PXYLP1: variants seen among roughly 807,000 people sequenced by gnomAD.
PXYLP1 encodes the protein acid phosphatase-like 2.
PXYLP1 carries 17 observed loss-of-function variants against 37.9 expected under a neutral mutation model. The observed-to-expected ratio is 0.45, with a 90% CI of 0.31 to 0.67. PXYLP1 has a LOEUF of 0.67. PXYLP1 is among the 30% of genes least tolerant of loss of function. PXYLP1 has a pLI of 0.07. For missense variants in PXYLP1, 511 were observed against 612.0 expected (o/e 0.84, Z 1.74); for synonymous variants, 221 against 232.2 (o/e 0.95, Z 0.44).
At chr3:141,278,282 C>A (rs1559893137) in intron 2 of PXYLP1, 60 bp from the exon 3 acceptor site, 1 of 1,597,666 alleles carries the variant, frequency 6.3e-7, no homozygotes, top group East Asian at 2.2e-5. Flanking sequence ...TGCGCTGGGC[C>A]TTGCAGCTGG....
At chr3:141,242,744 AAAT>A (rs1940840332) in intron 1 of PXYLP1, among the ~76,000 whole-genome samples, 1 of 152,214 alleles carries the variant, frequency 6.6e-6, no homozygotes, top group African/African-American at 2.4e-5. Context: ...CAGGGAATGC[AAAT>A]AATAATGAGA....
rs1553751230 is a variant in PXYLP1 at position 141,248,031 on chromosome 3, T to TG, written c.-53-12092_-53-12091insG. ...TTAAGAGTTTTTGTTTTGTTTTTTT[T>TG]TTTTTTTTTGAGATGGAGTCCCACT... On this transcript the variant is annotated intron_variant, in intron 1 of 5. Coordinates refer to ENST00000286353, the MANE Select transcript of PXYLP1 (RefSeq NM_001037172.3). 2.3e-3 allele frequency among the ~76,000 whole-genome samples: 346 copies of TG among 149,248 alleles called. 2 individuals are homozygous for TG. The highest frequency in any genetic ancestry group is 5.7e-3 in the African/African-American group (234 of 40,764).
intron 2 of PXYLP1, among the ~76,000 whole-genome samples, chr3:141,268,107 T>G (rs1412661151): frequency 6.6e-6 from 1 of 151,920 alleles, no homozygotes; most frequent in Non-Finnish European, 1.5e-5. Flanking sequence ...TCTATTGACT[T>G]GGAAGGTTGT....
Position 141,273,044 on chromosome 3 carries a change from C to G in PXYLP1, c.80-5298C>G. On this transcript the variant is annotated intron_variant, in intron 2 of 5. Coordinates refer to ENST00000286353, the MANE Select transcript of PXYLP1 (RefSeq NM_001037172.3). The stretch of plus-strand genomic sequence containing the variant: ...CACTGCATCGTTTCCATACCTGCAC[C>G]CCCCAACCAGCAACCAGTGAGTGCA... 5.1e-6 allele frequency: 5 copies of G among 985,446 alleles called. No homozygotes were observed. In the South Asian group the frequency reaches 2.3e-4, roughly 46 times the overall value. The allele number at this position is 985,446 out of a possible 1,614,324, so 61.0% of individuals were successfully genotyped here. A position where few individuals can be genotyped will look rare whatever the true frequency, so the allele number is the denominator to read the frequency against.
At chr3:141,262,504 A>G (rs141643302) in intron 2 of PXYLP1, 56 of 747,622 alleles carry the variant, frequency 7.5e-5, no homozygotes, top group African/African-American at 6.7e-4. Context: ...TTTCTCTTGC[A>G]TGAGCTGGTT....
At position 141,293,474 on chromosome 3, in the gene PXYLP1, A is replaced by T; in HGVS notation, c.*269A>T. The T allele has an allele frequency of 2.3e-6, 1 of 439,816 alleles. No individual in the cohort carries two copies. The highest frequency in any genetic ancestry group is 3.6e-5 in the South Asian group (1 of 28,114). 27.2% of individuals were successfully genotyped at this position (439,816 alleles called of 1,614,324 possible). On this transcript the variant is annotated 3_prime_UTR_variant, in exon 6 of 6. Transcript: ENST00000286353. ...TTCGCTTAGAATGCCAGAATAATATAGTTCAAGACCTGAAGTTGCCAATCC... is the reference window on the plus strand; with the variant it reads ...TTCGCTTAGAATGCCAGAATAATATTGTTCAAGACCTGAAGTTGCCAATCC...
At chr3:141,234,240 C>G (rs1940606585) in intron 1 of PXYLP1, 1 of 151,966 alleles carries the variant, frequency 6.6e-6, no homozygotes, top group Admixed American at 6.5e-5. Flanking sequence ...GGATCAGTCT[C>G]TGATGGTGGG....
chr3:141,254,129 TC>T (rs762522704), intron 1 of PXYLP1, among the ~76,000 whole-genome samples: 40 of 152,104 alleles, frequency 2.6e-4, no homozygotes, highest in Admixed American at 5.2e-4. Flanking sequence ...GCCAGGCTGG[TC>T]TTGAACTCCT....
rs1416515763 is a variant in PXYLP1, at chr3:141,268,188, AGAGAGAGAGAGAGAGAGAGTGT to A, written c.79+7936_79+7957del. Among the ~76,000 whole-genome samples, 932 of 99,960 alleles carry A rather than the reference AGAGAGAGAGAGAGAGAGAGTGT, an allele frequency of 9.3e-3. 14 individuals carry two copies. The highest frequency in any genetic ancestry group is 0.034 in the African/African-American group (883 of 26,324). 65.6% of individuals were successfully genotyped at this position (99,960 alleles called of 152,430 possible). A position where few individuals can be genotyped will look rare whatever the true frequency, so the allele number is the denominator to read the frequency against. Reference sequence around the variant, plus strand: ...GTGGGGGAGAGAGAGAGAGAGAGAGAGAGAGAGAGAGAGAGAGAGTGTGTGTGTGTGTGTGTGTGTGTGTGTG... The same window carrying A: ...GTGGGGGAGAGAGAGAGAGAGAGAGAGTGTGTGTGTGTGTGTGTGTGTGTG... On this transcript the variant is annotated intron_variant, in intron 2 of 5. Coordinates refer to ENST00000286353, the MANE Select transcript of PXYLP1 (RefSeq NM_001037172.3).
rs755822898 is a variant in PXYLP1, at chr3:141,292,884, C to G, written c.1122C>G (p.Leu374=). The change falls in exon 6 of 6, where the codon CTC becomes CTG. Residue 374 remains leucine, a synonymous_variant. Transcript: ENST00000286353. The surrounding 1 kb of genome is among the most constrained non-coding windows in gnomAD (Gnocchi z 4.3). ...TEGRKEELFA[L]YSAHDVTLSP... Reference sequence around the variant, plus strand: ...GCAGGAAAGAAGAGCTCTTTGCCCTCTACTCTGCTCATGATGTCACTCTGT... The same window carrying G: ...GCAGGAAAGAAGAGCTCTTTGCCCTGTACTCTGCTCATGATGTCACTCTGT... 35 of 1,614,106 alleles carry G rather than the reference C, an allele frequency of 2.2e-5. No individual in the cohort carries two copies. The highest frequency in any genetic ancestry group is 2.7e-5 in the Non-Finnish European group (32 of 1,180,060).
intron 2 of PXYLP1, chr3:141,267,344 A>G (rs1422261230): frequency 2.0e-5 from 3 of 152,196 alleles, no homozygotes; most frequent in Non-Finnish European, 2.9e-5. Flanking sequence ...TCTATTCTAA[A>G]AGCCCCAATG....
In PXYLP1 at chr3:141,274,058, T is replaced by A. The variant is rs1443253959; in HGVS notation, c.80-4284T>A. On this transcript the variant is annotated intron_variant, in intron 2 of 5. Transcript: ENST00000286353. ...CTGAGCTGCTGTCATCTGCCTGAGG[T>A]CAGCAGAGTTTCTAATTGTTCCACA... The A allele has an allele frequency of 5.1e-6, 5 of 987,526 alleles. No homozygotes were observed. The East Asian group carries it at 4.5e-4, about 88-fold the overall frequency. The allele number at this position is 987,526 out of a possible 1,614,324, so 61.2% of individuals were successfully genotyped here.
intron 1 of PXYLP1, among the ~76,000 whole-genome samples, chr3:141,248,384 T>C (rs1392198761): frequency 2.0e-5 from 3 of 151,860 alleles, no homozygotes; most frequent in Admixed American, 1.3e-4. Context: ...CTCGAGGCAG[T>C]TCAGATTTCC....
chr3:141,245,054 T>TTTTTTG (rs1940905674), intron 1 of PXYLP1, among the ~76,000 whole-genome samples: 1 of 145,854 alleles, frequency 6.9e-6, no homozygotes, highest in African/African-American at 2.6e-5. Flanking sequence ...CCTTTTTTTT[T>TTTTTTG]TTTTTTTTTT....
At chr3:141,262,895 A>G (rs551357546) in intron 2 of PXYLP1, among the ~76,000 whole-genome samples, 8 of 152,312 alleles carry the variant, frequency 5.3e-5, no homozygotes, top group East Asian at 1.9e-4. Context: ...CCTAAAATAT[A>G]TGGACTTTTT....
At chr3:141,281,044 G>A (rs1276273338) in intron 4 of PXYLP1, among the ~76,000 whole-genome samples, 2 of 152,130 alleles carry the variant, frequency 1.3e-5, no homozygotes, top group Admixed American at 6.5e-5. Context: ...CCAGCATTAA[G>A]GTTATTAGTT....
intron 2 of PXYLP1, among the ~76,000 whole-genome samples, chr3:141,266,982 C>A (rs2148775758): frequency 6.6e-6 from 1 of 152,220 alleles, no homozygotes; most frequent in African/African-American, 2.4e-5. Flanking sequence ...GTGGTTCAGA[C>A]CCTTGTGTCC....
At chr3:141,252,510 T>G (rs1279807714) in intron 1 of PXYLP1, among the ~76,000 whole-genome samples, 1 of 151,932 alleles carries the variant, frequency 6.6e-6, no homozygotes, top group Non-Finnish European at 1.5e-5. Context: ...GGTCCCAGGC[T>G]CCTTATAACC....
At chr3:141,254,399 G>A (rs74618718) in intron 1 of PXYLP1, among the ~76,000 whole-genome samples, 3,486 of 152,312 alleles carry the variant, frequency 0.023, 101 homozygotes, top group East Asian at 0.098. Flanking sequence ...TGAATTGACT[G>A]ACTGAATGAA....
Sources: gnomAD v4.1 joint callset for allele counts (sites outside exome capture counted in the v4.1 genomes callset) on GRCh38, gnomAD v4.1.1 for gene constraint, Gnocchi (gnomAD v3.1) non-coding constraint, MANE v1.5 for transcripts, NCBI Gene and HGNC (gene_info 2026-07-23, HGNC 2026-07-21) for gene names.